The following PCDH7 variants were observed in gnomAD, a reference collection of about 807,000 sequenced individuals.
PCDH7 encodes the protein protocadherin-7.
Under a neutral mutation model 58.9 loss-of-function variants are expected in PCDH7, and 17 were observed. The ratio of observed to expected loss-of-function variants is 0.29; its 90% CI spans 0.20 to 0.43. PCDH7 has a LOEUF of 0.43. Ranked by LOEUF, PCDH7 falls within the 20% of genes least tolerant of loss-of-function variation. The pLI is 1.00. For synonymous variants in PCDH7, 664 were observed against 616.4 expected (o/e 1.08, Z -1.14); for missense variants, 1,274 against 1,441.0 (o/e 0.88, Z 1.88).
chr4:30,722,129 A>G lies in PCDH7; in HGVS notation c.707A>G (p.Asn236Ser), dbSNP rs952244695. Residue 236 changes from asparagine (N) to serine (S), a missense_variant, in exon 1 of 2, where the codon AAC (asparagine) becomes AGC (serine). Asn to Ser is a conservative substitution (Grantham distance 46). Coordinates refer to ENST00000361762, the Ensembl canonical transcript of PCDH7. The surrounding 1 kb of genome is among the most constrained non-coding windows in gnomAD (Gnocchi z 7.6). The stretch of plus-strand genomic sequence containing the variant: ...GCATCAGAGGGCGGCGGCGGCACCA[A>G]CCCCGGCGGCCGCAGCAGCGTGTTC... The G allele has an allele frequency of 1.5e-5, 22 of 1,441,314 alleles. No homozygotes were observed. Among genetic ancestry groups the G allele is most frequent in the Non-Finnish European group, 2.0e-5 (22 of 1,102,344 alleles). The allele number at this position is 1,441,314 out of a possible 1,614,324, so 89.3% of individuals were successfully genotyped here.
intron 1 of PCDH7, among the ~76,000 whole-genome samples, chr4:30,872,927 C>T (rs1467275356): frequency 6.6e-6 from 1 of 152,078 alleles, no homozygotes; most frequent in Non-Finnish European, 1.5e-5. Context: ...GTTCCTGGCA[C>T]TGTGTAAGCA....
intron 3 of PCDH7, among the ~76,000 whole-genome samples, chr4:31,079,850 A>G (rs961811629): frequency 6.6e-6 from 1 of 152,172 alleles, no homozygotes; most frequent in Non-Finnish European, 1.5e-5. Context: ...AGATAAATCA[A>G]AATGAGCAAA....
chr4:31,010,287 T>C (rs1477438725), intron 3 of PCDH7, among the ~76,000 whole-genome samples: 4 of 152,018 alleles, frequency 2.6e-5, no homozygotes, highest in Non-Finnish European at 5.9e-5. Context: ...AAATCAAAGG[T>C]TTAAATATGA....
At chr4:30,843,454 A>G (rs1418465357) in intron 1 of PCDH7, among the ~76,000 whole-genome samples, 2 of 152,158 alleles carry the variant, frequency 1.3e-5, no homozygotes, top group African/African-American at 4.8e-5. Flanking sequence ...TTGGCCTCCC[A>G]AAGTGCTGGG....
chr4:30,798,745 T>TCCTAGGAGGCTATCTTGATGTTG (rs2109304565), intron 1 of PCDH7, among the ~76,000 whole-genome samples: 1 of 152,346 alleles, frequency 6.6e-6, no homozygotes, highest in East Asian at 1.9e-4. Context: ...TGTTGAAGGC[T>TCCTAGGAGGCTATCTTGATGTTG]AAAGAACCAT....
At chr4:30,731,896 T>G (rs1377566012) in exon 2 of PCDH7, 1 of 152,158 alleles carries the variant, frequency 6.6e-6, no homozygotes, top group Non-Finnish European at 1.5e-5. Flanking sequence ...GTGTTCCATA[T>G]GTAAAGTTTA....
At chr4:31,097,627 T>TATATATAG (rs2109295711) in intron 3 of PCDH7, among the ~76,000 whole-genome samples, 1 of 41,426 alleles carries the variant, frequency 2.4e-5, no homozygotes, top group East Asian at 3.2e-3. Context: ...TATATATATA[T>TATATATAG]ATATATATAT....
chr4:31,032,165 G>A (rs922056090), intron 3 of PCDH7, among the ~76,000 whole-genome samples: 3 of 152,204 alleles, frequency 2.0e-5, no homozygotes, highest in Non-Finnish European at 4.4e-5. Flanking sequence ...CAGATGATAC[G>A]CCCTTCTTAA....
chr4:30,765,125 C>CTTTTTTTTTTTTTTTTTTTTT lies in PCDH7; in HGVS notation c.70+40535_70+40555dup, dbSNP rs10692198. ...GGAAAGAGAGATAGGACTTCAGATGCTTTTTTTTTTTTTTTTTTTTTTTTT... is the reference window on the plus strand; with the variant it reads ...GGAAAGAGAGATAGGACTTCAGATGCTTTTTTTTTTTTTTTTTTTTTTTTTTTTTTTTTTTTTTTTTTTTTT... On this transcript the variant is annotated intron_variant, in intron 1 of 3. Coordinates refer to the PCDH7 transcript ENST00000509759. Among the ~76,000 whole-genome samples the CTTTTTTTTTTTTTTTTTTTTT allele has an allele frequency of 3.3e-4, 16 of 49,198 alleles. 5 individuals carry two copies. Among genetic ancestry groups the CTTTTTTTTTTTTTTTTTTTTT allele is most frequent in the Non-Finnish European group, 5.8e-4 (16 of 27,752 alleles). 32.3% of individuals were successfully genotyped at this position (49,198 alleles called of 152,430 possible).
At chr4:31,062,003 T>C (rs1757726817) in intron 3 of PCDH7, among the ~76,000 whole-genome samples, 4 of 151,660 alleles carry the variant, frequency 2.6e-5, no homozygotes, top group Admixed American at 2.6e-4. Flanking sequence ...GGAAAGCAAA[T>C]GGAAGTAGAA....
chr4:30,821,951 C>T (rs560533104), intron 1 of PCDH7, among the ~76,000 whole-genome samples: 6 of 152,186 alleles, frequency 3.9e-5, no homozygotes, highest in South Asian at 2.1e-4. Flanking sequence ...CTATGTTCCT[C>T]GATGCTCAGT....
chr4:30,866,755 C>A (rs1332241289), intron 1 of PCDH7, among the ~76,000 whole-genome samples: 1 of 151,778 alleles, frequency 6.6e-6, no homozygotes, highest in East Asian at 1.9e-4. Flanking sequence ...CTCTGCAATC[C>A]TTACATGGTA....
chr4:30,747,511 C>T (rs913521769), intron 1 of PCDH7, among the ~76,000 whole-genome samples: 1 of 152,148 alleles, frequency 6.6e-6, no homozygotes, highest in Non-Finnish European at 1.5e-5. Context: ...TCTCTAGCTT[C>T]TAGGGCTGCC....
downstream of PCDH7, chr4:31,146,138 T>C (rs903160205): frequency 5.9e-5 from 9 of 152,000 alleles, no homozygotes; most frequent in African/African-American, 2.2e-4. Context: ...GCATTATTTT[T>C]ATGGGAGGAG....
intron 1 of PCDH7, among the ~76,000 whole-genome samples, chr4:30,744,914 G>C (rs573466564): frequency 6.6e-6 from 1 of 152,054 alleles, no homozygotes; most frequent in African/African-American, 2.4e-5. Context: ...CTATGATTTT[G>C]ACCAAAACTG....
At chr4:31,097,075 CG>C (rs1395297228) in intron 3 of PCDH7, among the ~76,000 whole-genome samples, 1 of 151,922 alleles carries the variant, frequency 6.6e-6, no homozygotes, top group Non-Finnish European at 1.5e-5. Context: ...AGCCAATTTG[CG>C]CCTAGTTGTG....
At chr4:31,049,121 G>A (rs1477681312) in intron 3 of PCDH7, among the ~76,000 whole-genome samples, 2 of 151,980 alleles carry the variant, frequency 1.3e-5, no homozygotes, top group South Asian at 2.1e-4. Context: ...TTAACGTTAG[G>A]TATATCTCCT....
At chr4:31,076,412 T>A (rs1271873206) in intron 3 of PCDH7, among the ~76,000 whole-genome samples, 1 of 152,198 alleles carries the variant, frequency 6.6e-6, no homozygotes, top group East Asian at 1.9e-4. Flanking sequence ...TACAGAAATA[T>A]TCTAAGAGAA....
At chr4:30,920,050 T>A (rs1742984296) in intron 1 of PCDH7, 103 bp from the exon 2 acceptor site, 1 of 737,186 alleles carries the variant, frequency 1.4e-6, no homozygotes, top group Admixed American at 3.1e-5. Context: ...TTGTATTGAA[T>A]TAGTTGCCAG....
Sources: allele counts gnomAD v4.1 joint callset (sites outside exome capture counted in the v4.1 genomes callset), GRCh38; gene constraint gnomAD v4.1.1; non-coding constraint Gnocchi (gnomAD v3.1); transcripts MANE v1.5; gene names NCBI Gene and HGNC (gene_info 2026-07-23, HGNC 2026-07-21).